NALF1: variants seen among roughly 807,000 people sequenced by gnomAD.
NALF1 encodes the protein family with sequence similarity 155 member A.
Under a neutral mutation model 48.4 loss-of-function variants are expected in NALF1, and 3 were observed. The observed-to-expected ratio is 0.06, with a 90% CI of 0.03 to 0.16. The LOEUF (loss-of-function observed/expected upper bound fraction) is 0.16. Among genes scored for constraint, NALF1 ranks in the 10% least tolerant of loss-of-function variants. NALF1 has a pLI of 1.00. For missense variants in NALF1, 526 were observed against 571.5 expected (o/e 0.92, Z 0.81); for synonymous variants, 262 against 245.7 (o/e 1.07, Z -0.62).
At position 107,487,582 on chromosome 13, in the gene NALF1, A is replaced by T. The variant is rs556943242; in HGVS notation, c.916-276827T>A. ...TATTTACCTACAAGAAACAAATTTT[A>T]AAAAGAGTGCCTATGTTGAACCAAC... On this transcript the variant is annotated intron_variant, in intron 1 of 2. Coordinates refer to ENST00000375915, the MANE Select transcript of NALF1 (RefSeq NM_001080396.3). Among the ~76,000 whole-genome samples, 7 of 152,278 alleles carry T rather than the reference A, an allele frequency of 4.6e-5. No homozygotes were observed. The South Asian group carries it at 1.5e-3, about 32-fold the overall frequency.
chr13:107,481,720 G>A (rs1481223132), intron 1 of NALF1, among the ~76,000 whole-genome samples: 1 of 152,092 alleles, frequency 6.6e-6, no homozygotes, highest in East Asian at 1.9e-4. Flanking sequence ...GGGCTTCAAG[G>A]GTGAAGTGGG....
At chr13:107,208,606 G>A (rs1312843782) in intron 2 of NALF1, among the ~76,000 whole-genome samples, 1 of 151,868 alleles carries the variant, frequency 6.6e-6, no homozygotes, top group Non-Finnish European at 1.5e-5. Context: ...TCTTCTCTAG[G>A]ACAAAAGCCA....
chr13:107,749,574 C>T (rs544563022), intron 1 of NALF1, among the ~76,000 whole-genome samples: 8 of 151,928 alleles, frequency 5.3e-5, no homozygotes, highest in African/African-American at 1.7e-4. Context: ...AGATATTTTA[C>T]ATACTATAAT....
intron 1 of NALF1, among the ~76,000 whole-genome samples, chr13:107,704,556 A>C (rs1276309192): frequency 1.3e-5 from 2 of 152,088 alleles, no homozygotes; most frequent in Non-Finnish European, 1.5e-5. Flanking sequence ...CTCACAATGC[A>C]ATAGTGTTTA....
At chr13:107,204,203 T>C (rs1176609779) in intron 2 of NALF1, among the ~76,000 whole-genome samples, 1 of 151,950 alleles carries the variant, frequency 6.6e-6, no homozygotes, top group African/African-American at 2.4e-5. Flanking sequence ...CTCCAACAAG[T>C]GTCACCCAGG....
At chr13:107,326,517 A>G (rs1882367718) in intron 1 of NALF1, among the ~76,000 whole-genome samples, 1 of 152,204 alleles carries the variant, frequency 6.6e-6, no homozygotes, top group African/African-American at 2.4e-5. Flanking sequence ...TATAGCAATG[A>G]AAACTGAGAC....
At chr13:107,370,874 T>G (rs537549461) in intron 1 of NALF1, among the ~76,000 whole-genome samples, 1 of 152,238 alleles carries the variant, frequency 6.6e-6, no homozygotes, top group Admixed American at 6.5e-5. Flanking sequence ...AGTGAAGTGG[T>G]GGGGGAAGCC....
intron 1 of NALF1, among the ~76,000 whole-genome samples, chr13:107,830,445 C>G (rs1462961172): frequency 6.6e-6 from 1 of 152,192 alleles, no homozygotes; most frequent in African/African-American, 2.4e-5. Flanking sequence ...CCTGCCAACA[C>G]TTGCTATTTT....
At chr13:107,397,473 A>G (rs1273120660) in intron 1 of NALF1, among the ~76,000 whole-genome samples, 3 of 152,184 alleles carry the variant, frequency 2.0e-5, no homozygotes, top group Non-Finnish European at 4.4e-5. Context: ...ATGCCCATGA[A>G]TTACATATAC....
intron 1 of NALF1, among the ~76,000 whole-genome samples, chr13:107,403,733 C>T (rs1883852481): frequency 7.1e-6 from 1 of 141,398 alleles, no homozygotes; most frequent in African/African-American, 2.6e-5. Context: ...TAAAAAAAAA[C>T]TCACCTTTTT....
intron 1 of NALF1, among the ~76,000 whole-genome samples, chr13:107,781,232 A>T (rs768977612): frequency 6.6e-6 from 1 of 152,164 alleles, no homozygotes; most frequent in African/African-American, 2.4e-5. Flanking sequence ...CTCTGCAAAA[A>T]AAGAATGTTC....
intron 1 of NALF1, among the ~76,000 whole-genome samples, chr13:107,358,942 GT>G (rs2138952711): frequency 6.6e-6 from 1 of 152,182 alleles, no homozygotes; most frequent in East Asian, 1.9e-4. Context: ...TTTTTTGTTA[GT>G]TTTTGGTTTA....
At chr13:107,263,291 CAT>C (rs1880973307) in intron 1 of NALF1, among the ~76,000 whole-genome samples, 1 of 147,160 alleles carries the variant, frequency 6.8e-6, no homozygotes, top group Non-Finnish European at 1.5e-5. Context: ...CACACACACA[CAT>C]CTCAGTGGAC....
rs543826026 is a variant in NALF1, at chr13:107,821,311, C to A, written c.915+44371G>T. Among the ~76,000 whole-genome samples the A allele has an allele frequency of 2.6e-4, 40 of 152,256 alleles. No individual in the cohort carries two copies. In the Middle Eastern group the frequency reaches 0.014, roughly 52 times the overall value. On this transcript the variant is annotated intron_variant, in intron 1 of 2. Transcript: ENST00000375915. ...AATGTTTACAATTATGCACGTACAG[C>A]GACTTAGCATCAGTAATGATTCCTA...
intron 1 of NALF1, among the ~76,000 whole-genome samples, chr13:107,696,928 G>GT (rs1881713584): frequency 6.6e-6 from 1 of 151,866 alleles, no homozygotes; most frequent in Non-Finnish European, 1.5e-5. Context: ...TTATTAGAAT[G>GT]TTTTATTATT....
At chr13:107,267,542 TA>T (rs553590961) in intron 1 of NALF1, among the ~76,000 whole-genome samples, 1 of 151,960 alleles carries the variant, frequency 6.6e-6, no homozygotes, top group African/African-American at 2.4e-5. Flanking sequence ...CTGTCTATGC[TA>T]AAAAAAATGT....
chr13:107,475,231 C>T lies in NALF1; in HGVS notation c.916-264476G>A, dbSNP rs72652711. ...TCATTCATTGAACACATGTGGAAAG[C>T]ACTCTTCAATTCTGCGTATAGCATT... On this transcript the variant is annotated intron_variant, in intron 1 of 2. Coordinates refer to ENST00000375915, the MANE Select transcript of NALF1 (RefSeq NM_001080396.3). 5.0e-3 allele frequency among the ~76,000 whole-genome samples: 764 copies of T among 152,304 alleles called. 3 individuals are homozygous for T. The highest frequency in any genetic ancestry group is 7.6e-3 in the Non-Finnish European group (517 of 68,030).
chr13:107,309,935 T>A (rs572163699), intron 1 of NALF1, among the ~76,000 whole-genome samples: 1 of 152,314 alleles, frequency 6.6e-6, no homozygotes, highest in African/African-American at 2.4e-5. Context: ...AGCAGTCCTT[T>A]ATAGCTATTT....
intron 1 of NALF1, among the ~76,000 whole-genome samples, chr13:107,649,870 G>A (rs987869034): frequency 6.6e-6 from 1 of 152,250 alleles, no homozygotes. Context: ...ACTAAGCATC[G>A]TGATTCAAAT....
Sources: gnomAD v4.1 joint callset for allele counts (sites outside exome capture counted in the v4.1 genomes callset) on GRCh38, gnomAD v4.1.1 for gene constraint, MANE v1.5 for transcripts, NCBI Gene and HGNC (gene_info 2026-07-23, HGNC 2026-07-21) for gene names.